The following TM9SF3 variants were observed in gnomAD, a reference collection of about 807,000 sequenced individuals.
The protein encoded by TM9SF3 is transmembrane 9 superfamily member 3.
A neutral mutation model predicts 78.6 loss-of-function variants in TM9SF3; 14 were observed. The observed-to-expected ratio is 0.18, with a 90% CI of 0.12 to 0.28. TM9SF3 has a LOEUF of 0.28. TM9SF3 is among the 10% of genes least tolerant of loss of function. The probability of loss-of-function intolerance (pLI) is 1.00; values close to 1 mark genes in which losing one functional copy is unlikely to be tolerated. For synonymous variants in TM9SF3, 231 were observed against 241.7 expected (o/e 0.96, Z 0.41); for missense variants, 496 against 721.9 (o/e 0.69, Z 3.59).
chr10:96,541,934 G>C (rs944857642), intron 9 of TM9SF3, among the ~76,000 whole-genome samples: 3 of 152,206 alleles, frequency 2.0e-5, no homozygotes, highest in Non-Finnish European at 2.9e-5. Context: ...CCAGGAACTG[G>C]AATCAGGTAA....
chr10:96,533,306 T>C (rs2134132649), intron 9 of TM9SF3, 116 bp from the exon 10 acceptor site: 2 of 1,283,316 alleles, frequency 1.6e-6, no homozygotes, highest in Non-Finnish European at 2.1e-6. Flanking sequence ...TTAAGTTCAA[T>C]ATGAGCTAAA....
At chr10:96,533,899 C>CT (rs958225252) in intron 9 of TM9SF3, among the ~76,000 whole-genome samples, 1 of 152,172 alleles carries the variant, frequency 6.6e-6, no homozygotes, top group Admixed American at 6.6e-5. Flanking sequence ...ATTTTTGTGA[C>CT]TTTTTTTCTT....
chr10:96,576,575 A>G (rs1848499091), intron 2 of TM9SF3, 59 bp downstream of exon 2: 1 of 1,468,112 alleles, frequency 6.8e-7, no homozygotes, highest in African/African-American at 1.4e-5. Flanking sequence ...TAGTGCCAAA[A>G]TATGAAACCC....
intron 4 of TM9SF3, chr10:96,560,322 G>T (rs1180756306): frequency 2.7e-6 from 2 of 743,574 alleles, no homozygotes; most frequent in Non-Finnish European, 4.9e-6. Flanking sequence ...CTTTAAGAAC[G>T]GTCAGTTTAG....
chr10:96,563,595 C>G (rs1044290684), intron 3 of TM9SF3, among the ~76,000 whole-genome samples: 20 of 151,930 alleles, frequency 1.3e-4, no homozygotes, highest in African/African-American at 3.9e-4. Flanking sequence ...CCATGGTGGT[C>G]TCGAACTCCT....
At chr10:96,564,368 G>A (rs1016433023) in intron 3 of TM9SF3, among the ~76,000 whole-genome samples, 1 of 152,168 alleles carries the variant, frequency 6.6e-6, no homozygotes, top group East Asian at 1.9e-4. Context: ...AATCTTCAGT[G>A]AATATTCAGC....
At chr10:96,572,544 T>A (rs1208848995) in intron 2 of TM9SF3, among the ~76,000 whole-genome samples, 1 of 149,148 alleles carries the variant, frequency 6.7e-6, no homozygotes, top group South Asian at 2.1e-4. Context: ...TTTTTTTTTT[T>A]AAGACAGAGT....
Position 96,518,842 on chromosome 10 carries a change from T to G in TM9SF3, c.*3421A>C, listed in dbSNP as rs1847725464. On this transcript the variant is annotated 3_prime_UTR_variant, in exon 15 of 15. Coordinates refer to ENST00000371142, the MANE Select transcript of TM9SF3 (RefSeq NM_020123.4). The stretch of plus-strand genomic sequence containing the variant: ...CACTTCTGACTGAAATATAACACCT[T>G]GATTGATAGTTTCATAACTATAGAA... The G allele has an allele frequency of 4.7e-4, 1 of 2,116 alleles. No homozygotes were observed. The highest frequency in any genetic ancestry group is 5.5e-4 in the African/African-American group (1 of 1,806). The allele number at this position is 2,116 out of a possible 1,614,324, so 0.1% of individuals were successfully genotyped here.
Position 96,527,506 on chromosome 10 carries a change from G to A in TM9SF3, c.1542-10C>T, listed in dbSNP as rs910075711. The A allele has an allele frequency of 2.5e-6, 4 of 1,594,964 alleles. No individual in the cohort carries two copies. The highest frequency in any genetic ancestry group is 3.4e-6 in the Non-Finnish European group (4 of 1,168,092). On this transcript the variant is annotated splice_polypyrimidine_tract_variant and intron_variant, in intron 12 of 14. Transcript: ENST00000371142. Reference sequence around the variant, plus strand: ...AAAACTTGTCCATTGCCTGGTGGGGGGAGGGGGAAAGAAGATAAATCTCTT... The same window carrying A: ...AAAACTTGTCCATTGCCTGGTGGGGAGAGGGGGAAAGAAGATAAATCTCTT...
At chr10:96,540,485 T>C (rs1327546605) in intron 9 of TM9SF3, among the ~76,000 whole-genome samples, 1 of 152,208 alleles carries the variant, frequency 6.6e-6, no homozygotes, top group Non-Finnish European at 1.5e-5. Context: ...GGTACTCCTG[T>C]ACAATCAACT....
intron 7 of TM9SF3, among the ~76,000 whole-genome samples, chr10:96,550,983 C>G (rs1325110511): frequency 6.6e-6 from 1 of 152,124 alleles, no homozygotes. Context: ...TGAAAGTAAC[C>G]TCTGTTCATA....
intron 1 of TM9SF3, 73 bp from the exon 2 acceptor site, chr10:96,576,902 G>A: frequency 1.5e-6 from 2 of 1,300,214 alleles, no homozygotes; most frequent in Middle Eastern, 2.0e-4. Context: ...TATTTGTTGT[G>A]TGTTCTAAAC....
At chr10:96,550,634 C>A (rs910645625) in intron 7 of TM9SF3, among the ~76,000 whole-genome samples, 1 of 152,102 alleles carries the variant, frequency 6.6e-6, no homozygotes. Context: ...GAATGTGTAA[C>A]TTTTTCACAT....
intron 3 of TM9SF3, among the ~76,000 whole-genome samples, chr10:96,562,871 C>A (rs1221632327): frequency 6.6e-6 from 1 of 152,194 alleles, no homozygotes; most frequent in African/African-American, 2.4e-5. Context: ...TGTTCCCCAC[C>A]CAAGCCTAAA....
intron 14 of TM9SF3, among the ~76,000 whole-genome samples, chr10:96,524,244 A>G (rs1159876771): frequency 6.6e-6 from 1 of 151,892 alleles, no homozygotes; most frequent in Non-Finnish European, 1.5e-5. Context: ...TTTTGCAATG[A>G]CATTTCTTTT....
chr10:96,539,147 T>C (rs12414612), intron 9 of TM9SF3, among the ~76,000 whole-genome samples: 31,101 of 152,104 alleles, frequency 0.2, 3,537 homozygotes, highest in Admixed American at 0.3. Context: ...TTGAATACTA[T>C]TGGGCAATAC....
chr10:96,554,985 T>A (rs567081483), intron 5 of TM9SF3, among the ~76,000 whole-genome samples: 139 of 152,100 alleles, frequency 9.1e-4, no homozygotes, highest in Non-Finnish European at 1.5e-3. Flanking sequence ...TCCCATGCCA[T>A]CACCTCATAC....
At chr10:96,544,230 A>G in intron 8 of TM9SF3, 24 bp from the exon 9 acceptor site, 1 of 1,539,992 alleles carries the variant, frequency 6.5e-7, no homozygotes, top group Non-Finnish European at 8.7e-7. Flanking sequence ...AAACTATGAA[A>G]GTTTAATATA....
rs779926546 is a variant in TM9SF3, at chr10:96,562,072, A to G, written c.488T>C (p.Ile163Thr). Residue 163 changes from isoleucine (I) to threonine (T), a missense_variant, in exon 4 of 15, where the codon ATA becomes ACA. Ile to Thr is a moderately conservative substitution (Grantham distance 89, BLOSUM62 -1). Around this residue, in one of 4 missense-constraint regions of TM9SF3, gnomAD observed 155 missense variants for 241.6 expected, o/e 0.64. Transcript: ENST00000371142. ...AACAATTCGATTTCCATTAAAACCT[A>G]TTTCAAGTTTTTTATAGGTCCAAAG... Reference protein sequence around the residue: ...YYLWTYKKLEIGFNGNRIVDV... With the variant: ...YYLWTYKKLETGFNGNRIVDV... 1 of 1,613,436 alleles carries G rather than the reference A, an allele frequency of 6.2e-7. No homozygotes were observed. Among genetic ancestry groups the G allele is most frequent in the Non-Finnish European group, 8.5e-7 (1 of 1,179,624 alleles).
Sources: allele counts gnomAD v4.1 joint callset (sites outside exome capture counted in the v4.1 genomes callset), GRCh38; gene constraint gnomAD v4.1.1; regional missense constraint gnomAD v4.1.1; transcripts MANE v1.5; gene names NCBI Gene and HGNC (gene_info 2026-07-23, HGNC 2026-07-21).